DTX4: variants seen among roughly 807,000 people sequenced by gnomAD.
DTX4 encodes the protein deltex E3 ubiquitin ligase 4.
Under a neutral mutation model 57.6 loss-of-function variants are expected in DTX4, and 28 were observed. That is an observed-to-expected ratio of 0.49 (90% confidence interval 0.36 to 0.67). DTX4 has a LOEUF of 0.67. Among genes scored for constraint, DTX4 ranks in the 30% least tolerant of loss-of-function variants. The pLI is 0.00. For missense variants in DTX4, 715 were observed against 836.8 expected (o/e 0.85, Z 1.80); for synonymous variants, 316 against 331.0 (o/e 0.95, Z 0.49).
chr11:59,181,644 G>A, intron 1 of DTX4, 95 bp from the exon 2 acceptor site: 2 of 1,490,078 alleles, frequency 1.3e-6, no homozygotes, highest in East Asian at 4.6e-5. Flanking sequence ...CTTGTTTCAT[G>A]TTTGCCATTA....
At chr11:59,182,617 T>TGTG (rs769318324) in intron 2 of DTX4, among the ~76,000 whole-genome samples, 155 bp downstream of exon 2, 6 of 152,054 alleles carry the variant, frequency 3.9e-5, no homozygotes, top group Non-Finnish European at 5.9e-5. Flanking sequence ...TGGCTGCAGG[T>TGTG]GTGGTGGATA....
At chr11:59,191,043 G>A in intron 4 of DTX4, 71 bp from the exon 5 acceptor site, 1 of 1,453,688 alleles carries the variant, frequency 6.9e-7, no homozygotes. Context: ...CCTCTACCAT[G>A]TCTAGCACGA....
At chr11:59,177,491 G>T (rs1186853626) in intron 1 of DTX4, among the ~76,000 whole-genome samples, 2 of 152,078 alleles carry the variant, frequency 1.3e-5, no homozygotes, top group African/African-American at 4.8e-5. Flanking sequence ...CTCTGGTCTT[G>T]CCCCTCTTTT....
chr11:59,181,691 G>T (rs765696737), intron 1 of DTX4, 48 bp from the exon 2 acceptor site: 1 of 1,548,952 alleles, frequency 6.5e-7, no homozygotes. Context: ...TTGCCACTCA[G>T]TGTAATTGCA....
rs774593866 is a variant in DTX4, at chr11:59,192,153, A to G, written c.1277A>G (p.Gln426Arg). Reference protein sequence around the residue: ...LTAPSGYKGPQPTVKPDLVGK... With the variant: ...LTAPSGYKGPRPTVKPDLVGK... Reference sequence around the variant, plus strand: ...GCCCCCTCAGGCTACAAGGGCCCGCAGCCTACGGTAAAACCTGACCTGGTA... The same window carrying G: ...GCCCCCTCAGGCTACAAGGGCCCGCGGCCTACGGTAAAACCTGACCTGGTA... The change falls in exon 6 of 9, where the codon CAG (glutamine) becomes CGG (arginine). Residue 426 changes from glutamine (Q) to arginine (R), a missense_variant. Gln to Arg is a conservative substitution (Grantham distance 43). Transcript: ENST00000227451. The G allele has an allele frequency of 9.3e-6, 15 of 1,613,814 alleles. No individual in the cohort carries two copies. Among genetic ancestry groups the G allele is most frequent in the Non-Finnish European group, 1.3e-5 (15 of 1,179,888 alleles).
chr11:59,172,571 G>T lies in DTX4; in HGVS notation c.-25G>T. On this transcript the variant is annotated 5_prime_UTR_variant, in exon 1 of 9. Transcript: ENST00000227451. ...GCTCGGGGCCCGGGAGGCGGGCCGC[G>T]CAGCGCCGCAGCCCCGGGCTCGCCA... The T allele has an allele frequency of 7.4e-7, 1 of 1,353,348 alleles. No homozygotes were observed. Among genetic ancestry groups the T allele is most frequent in the Middle Eastern group, 2.7e-4 (1 of 3,646 alleles). 83.8% of individuals were successfully genotyped at this position (1,353,348 alleles called of 1,614,324 possible).
rs1444982978 is a variant in DTX4, at chr11:59,206,791, A to G, written c.*1882A>G. ...GCCTTTGCTCTCTTTCCAAATGGTT[A>G]CAGGGATGTTGATCAGCTCCACCAG... On this transcript the variant is annotated 3_prime_UTR_variant, in exon 9 of 9. Coordinates refer to ENST00000227451, the MANE Select transcript of DTX4 (RefSeq NM_015177.2). 1 of 152,522 alleles carries G rather than the reference A, an allele frequency of 6.6e-6. No homozygotes were observed. The highest frequency in any genetic ancestry group is 1.5e-5 in the Non-Finnish European group (1 of 68,032). 9.4% of individuals were successfully genotyped at this position (152,522 alleles called of 1,614,324 possible).
chr11:59,198,621 T>G (rs1048092581), intron 7 of DTX4, among the ~76,000 whole-genome samples: 1 of 152,176 alleles, frequency 6.6e-6, no homozygotes, highest in African/African-American at 2.4e-5. Context: ...AAAATCTGGG[T>G]TTTTTTCTTG....
chr11:59,200,130 T>C (rs1478400914), intron 8 of DTX4, among the ~76,000 whole-genome samples: 4 of 152,158 alleles, frequency 2.6e-5, no homozygotes, highest in Admixed American at 1.3e-4. Flanking sequence ...GAAAGGCAAC[T>C]CTTATATGGT....
chr11:59,186,050 G>T (rs1022064750), intron 2 of DTX4, among the ~76,000 whole-genome samples: 1 of 152,106 alleles, frequency 6.6e-6, no homozygotes, highest in African/African-American at 2.4e-5. Flanking sequence ...TCCATTACAC[G>T]GTTCTGGATT....
chr11:59,173,081 C>G (rs532951726), intron 1 of DTX4, among the ~76,000 whole-genome samples: 115 of 152,332 alleles, frequency 7.5e-4, no homozygotes, highest in African/African-American at 2.7e-3. Context: ...CTTTCATGCC[C>G]CCGCTTTTCA....
intron 2 of DTX4, among the ~76,000 whole-genome samples, chr11:59,186,677 A>G (rs1862533186): frequency 6.6e-6 from 1 of 152,214 alleles, no homozygotes; most frequent in Non-Finnish European, 1.5e-5. Context: ...TGAGGCTCAG[A>G]AAAGTTAACT....
chr11:59,172,900 G>C, intron 1 of DTX4, 94 bp downstream of exon 1: 1 of 975,370 alleles, frequency 1.0e-6, no homozygotes, highest in Non-Finnish European at 1.5e-6. Context: ...TGGCCACCTA[G>C]TCGGCACTTC....
Position 59,195,239 on chromosome 11 carries a change from C to T in DTX4, c.1406C>T (p.Thr469Ile). 1 of 1,613,966 alleles carries T rather than the reference C, an allele frequency of 6.2e-7. No individual in the cohort carries two copies. The change falls in exon 7 of 9, where the codon ACC becomes ATC. Residue 469 changes from threonine (T) to isoleucine (I), a missense_variant. Transcript: ENST00000227451. ...DGSLQCPTCK[T>I]IYGVKTGTQP... ...AGTTTGCAGTGTCCAACCTGCAAGA[C>T]CATTTATGGGGTGAAGACAGGCACC...
chr11:59,203,046 A>G (rs1862758465), intron 8 of DTX4, among the ~76,000 whole-genome samples: 1 of 152,240 alleles, frequency 6.6e-6, no homozygotes. Flanking sequence ...AAAGTGGTAT[A>G]TCTGTATAAG....
At chr11:59,200,983 G>A (rs1862734105) in intron 8 of DTX4, among the ~76,000 whole-genome samples, 2 of 152,202 alleles carry the variant, frequency 1.3e-5, no homozygotes, top group African/African-American at 4.8e-5. Context: ...TCTGGCTGCT[G>A]TAACACAGTG....
chr11:59,184,378 T>C (rs1862502734), intron 2 of DTX4, among the ~76,000 whole-genome samples: 1 of 152,190 alleles, frequency 6.6e-6, no homozygotes, highest in South Asian at 2.1e-4. Flanking sequence ...GGGATAGTAA[T>C]AGTAACTTCC....
intron 7 of DTX4, among the ~76,000 whole-genome samples, chr11:59,195,577 A>C (rs1590987905): frequency 6.6e-6 from 1 of 152,052 alleles, no homozygotes; most frequent in East Asian, 1.9e-4. Context: ...GTGCACACAC[A>C]ACAGAAAATC....
Position 59,204,992 on chromosome 11 carries a change from G to A in DTX4, c.*83G>A. 1.5e-6 allele frequency: 2 copies of A among 1,293,824 alleles called. No homozygotes were observed. Among genetic ancestry groups the A allele is most frequent in the Non-Finnish European group, 2.2e-6 (2 of 928,524 alleles). The allele number at this position is 1,293,824 out of a possible 1,614,324, so 80.1% of individuals were successfully genotyped here. A position where few individuals can be genotyped will look rare whatever the true frequency, so the allele number is the denominator to read the frequency against. ...AGAGTGAGTCAATGTAGAAGAAGTT[G>A]GTGTCCTGCCCTCCCAACTTTCTAT... On this transcript the variant is annotated 3_prime_UTR_variant, in exon 9 of 9. Coordinates refer to ENST00000227451, the MANE Select transcript of DTX4 (RefSeq NM_015177.2).
Sources: gnomAD v4.1 joint callset for allele counts (sites outside exome capture counted in the v4.1 genomes callset) on GRCh38, gnomAD v4.1.1 for gene constraint, MANE v1.5 for transcripts, NCBI Gene and HGNC (gene_info 2026-07-23, HGNC 2026-07-21) for gene names.